The following AGO1 variants were observed in gnomAD, a reference collection of about 807,000 sequenced individuals.
The protein encoded by AGO1 is protein argonaute-1.
In AGO1, 11 loss-of-function variants were observed where a neutral mutation model predicts 109.2. The observed-to-expected ratio is 0.10, with a 90% CI of 0.06 to 0.17. The LOEUF (loss-of-function observed/expected upper bound fraction) is 0.17. Ranked by LOEUF, AGO1 falls within the 10% of genes least tolerant of loss-of-function variation. The pLI is 1.00. For missense variants in AGO1, 574 were observed against 1,140.3 expected (o/e 0.50, Z 7.15); for synonymous variants, 422 against 418.6 (o/e 1.01, Z -0.10).
At chr1:35,908,922 G>A (rs1047467471) in intron 12 of AGO1, among the ~76,000 whole-genome samples, 9 of 150,594 alleles carry the variant, frequency 6.0e-5, no homozygotes, top group African/African-American at 2.2e-4. Context: ...AGGTTCAAGT[G>A]ATTCTCGTGC....
chr1:35,917,445 G>A (rs1327883230), intron 15 of AGO1, 148 bp from the exon 16 acceptor site: 2 of 909,226 alleles, frequency 2.2e-6, no homozygotes, highest in African/African-American at 3.3e-5. Context: ...AGAAGGGCCT[G>A]TCATCTCTAA....
At chr1:35,909,397 A>G (rs1438709762) in intron 12 of AGO1, among the ~76,000 whole-genome samples, 1 of 152,256 alleles carries the variant, frequency 6.6e-6, no homozygotes, top group East Asian at 1.9e-4. Flanking sequence ...TGAATTAATT[A>G]TATAAAAAGC....
chr1:35,877,770 T>C (rs1645004131), intron 1 of AGO1, among the ~76,000 whole-genome samples: 1 of 151,976 alleles, frequency 6.6e-6, no homozygotes, highest in African/African-American at 2.4e-5. Context: ...CTCGGCTCAC[T>C]GCAACCTCTG....
At position 35,893,051 on chromosome 1, in the gene AGO1, G is replaced by C. The variant is rs376734554; in HGVS notation, c.331-46G>C. 1 of 1,563,586 alleles carries C rather than the reference G, an allele frequency of 6.4e-7. No individual in the cohort carries two copies. The highest frequency in any genetic ancestry group is 8.7e-7 in the Non-Finnish European group (1 of 1,143,746). On this transcript the variant is annotated intron_variant, in intron 3 of 18. Coordinates refer to ENST00000373204, the MANE Select transcript of AGO1 (RefSeq NM_012199.5). The surrounding 1 kb of genome is among the most constrained non-coding windows in gnomAD (Gnocchi z 5.6). Reference sequence around the variant, plus strand: ...ATCCATGGAGTTGGGGGTCATTCTCGCAGAGCAATGGCAATCCTTCATCCC... The same window carrying C: ...ATCCATGGAGTTGGGGGTCATTCTCCCAGAGCAATGGCAATCCTTCATCCC...
chr1:35,870,518 C>T (rs1001471916), intron 1 of AGO1, among the ~76,000 whole-genome samples: 2 of 152,190 alleles, frequency 1.3e-5, no homozygotes, highest in South Asian at 2.1e-4. Flanking sequence ...CTCTTGACCT[C>T]GTGATCTGCA....
chr1:35,871,541 CA>C (rs912462183), intron 1 of AGO1, among the ~76,000 whole-genome samples: 1 of 138,238 alleles, frequency 7.2e-6, no homozygotes, highest in Admixed American at 7.5e-5. Flanking sequence ...GACTCCGTCT[CA>C]AAAAAAAAGA....
intron 12 of AGO1, among the ~76,000 whole-genome samples, chr1:35,909,469 T>A (rs1645593029): frequency 6.6e-6 from 1 of 152,228 alleles, no homozygotes; most frequent in Non-Finnish European, 1.5e-5. Flanking sequence ...TTGTCTGTGG[T>A]TTTCAGTCTC....
rs1237268495 is a variant in AGO1 at position 35,926,516 on chromosome 1, A to C, written c.*6909A>C. 1.3e-5 allele frequency: 2 copies of C among 152,164 alleles called. No individual in the cohort carries two copies. The allele number at this position is 152,164 out of a possible 1,614,324, so 9.4% of individuals were successfully genotyped here. A position where few individuals can be genotyped will look rare whatever the true frequency, so the allele number is the denominator to read the frequency against. On this transcript the variant is annotated 3_prime_UTR_variant, in exon 19 of 19. Transcript: ENST00000373204. ...GCAATTAGGATTTGGTGGCTAAACG[A>C]AAGAGTTAGTGCAAGGAAAAGCCTA... is the stretch of plus-strand genomic sequence containing the variant.
upstream of AGO1, among the ~76,000 whole-genome samples, chr1:35,879,177 C>T (rs948803401): frequency 6.6e-5 from 10 of 152,136 alleles, no homozygotes; most frequent in African/African-American, 1.4e-4. Context: ...GGGCTGAGCA[C>T]GGTGGCTTAT....
chr1:35,925,736 C>T lies in AGO1; in HGVS notation c.*6129C>T, dbSNP rs1041242279. The T allele has an allele frequency of 2.0e-5, 3 of 152,004 alleles. No individual in the cohort carries two copies. The highest frequency in any genetic ancestry group is 6.6e-5 in the Admixed American group (1 of 15,258). 9.4% of individuals were successfully genotyped at this position (152,004 alleles called of 1,614,324 possible). ...ATTATCATTGTCTTTTCCCACTCACCCCAAGTTGGAGGTTCTATGGTTTTG... is the reference window on the plus strand; with the variant it reads ...ATTATCATTGTCTTTTCCCACTCACTCCAAGTTGGAGGTTCTATGGTTTTG... On this transcript the variant is annotated 3_prime_UTR_variant, in exon 19 of 19. Transcript: ENST00000373204.
chr1:35,894,088 A>G lies in AGO1; in HGVS notation c.701A>G (p.Glu234Gly). The change falls in exon 6 of 19, where the codon GAG becomes GGG. Residue 234 changes from glutamate (E) to glycine (G), a missense_variant. Glu to Gly is a moderately conservative substitution (Grantham distance 98). Transcript: ENST00000373204. ...CAGCCAGTGATTGAGTTCATGTGTGAGGTGCTGGACATCAGGAACATAGAT... is the reference window on the plus strand; with the variant it reads ...CAGCCAGTGATTGAGTTCATGTGTGGGGTGCTGGACATCAGGAACATAGAT... The part of the protein sequence containing the change: ...KAQPVIEFMC[E>G]VLDIRNIDEQ... 6.3e-7 allele frequency: 1 copy of G among 1,584,282 alleles called. No homozygotes were observed. Among genetic ancestry groups the G allele is most frequent in the Non-Finnish European group, 8.6e-7 (1 of 1,166,736 alleles).
At chr1:35,890,722 T>C (rs1197206795) in intron 2 of AGO1, among the ~76,000 whole-genome samples, 1 of 152,200 alleles carries the variant, frequency 6.6e-6, no homozygotes, top group Non-Finnish European at 1.5e-5. Context: ...TTGCAACTTG[T>C]TTTTAAAGGT....
At position 35,891,885 on chromosome 1, in the gene AGO1, G is replaced by GTT. The variant is rs369822869; in HGVS notation, c.210-663_210-662dup. 8.5e-4 allele frequency among the ~76,000 whole-genome samples: 123 copies of GTT among 144,392 alleles called. 1 individual carries two copies. The highest frequency in any genetic ancestry group is 3.1e-3 in the African/African-American group (121 of 39,368). 94.7% of individuals were successfully genotyped at this position (144,392 alleles called of 152,430 possible). On this transcript the variant is annotated intron_variant, in intron 2 of 18. Transcript: ENST00000373204. ...TGGCCATCCTTTTTTTTTGTTTTTT[G>GTT]TTTTTTTTTTGAGACAGGGTCTCGC...
Position 35,888,242 on chromosome 1 carries a change from G to T in AGO1, c.26-185G>T, listed in dbSNP as rs1486330885. ...TCCTAACTGGAGAGAGATTAAAAAA[G>T]AAAAAAGAGAAAAAACACAGATGAG... On this transcript the variant is annotated intron_variant, in intron 1 of 18. Coordinates refer to ENST00000373204, the MANE Select transcript of AGO1 (RefSeq NM_012199.5). The surrounding 1 kb of genome is among the most constrained non-coding windows in gnomAD (Gnocchi z 4.1). Among the ~76,000 whole-genome samples the T allele has an allele frequency of 6.7e-6, 1 of 148,942 alleles. No homozygotes were observed. The highest frequency in any genetic ancestry group is 2.6e-5 in the African/African-American group (1 of 38,446).
chr1:35,920,359 C>A lies in AGO1; in HGVS notation c.*752C>A, dbSNP rs369176195. On this transcript the variant is annotated 3_prime_UTR_variant, in exon 19 of 19. Transcript: ENST00000373204. ...GAAGTGACACGACCCTGTCTTCCTTCCGCCCGCTGGTGGGTAACCAGTGCC... is the reference window on the plus strand; with the variant it reads ...GAAGTGACACGACCCTGTCTTCCTTACGCCCGCTGGTGGGTAACCAGTGCC... The A allele has an allele frequency of 6.6e-6, 1 of 152,558 alleles. No individual in the cohort carries two copies. The highest frequency in any genetic ancestry group is 2.4e-5 in the African/African-American group (1 of 41,370). 9.5% of individuals were successfully genotyped at this position (152,558 alleles called of 1,614,324 possible). A position where few individuals can be genotyped will look rare whatever the true frequency, so the allele number is the denominator to read the frequency against.
chr1:35,894,512 G>A, intron 7 of AGO1, 110 bp downstream of exon 7: 1 of 1,077,516 alleles, frequency 9.3e-7, no homozygotes, highest in Non-Finnish European at 1.4e-6. Context: ...GAGCCTTGGG[G>A]ACTGGCCCTG....
Position 35,870,652 on chromosome 1 carries a change from C to T in AGO1, c.-201+749C>T, listed in dbSNP as rs150279070. ...CACCATTCATTTTATCTCCTCCCTA[C>T]TGAGAGAGAAAATGAATATTATTTT... On this transcript the variant is annotated intron_variant, in intron 1 of 18. Coordinates refer to the AGO1 transcript ENST00000373206. 2.3e-4 allele frequency among the ~76,000 whole-genome samples: 35 copies of T among 152,328 alleles called. No individual in the cohort carries two copies. In the East Asian group the frequency reaches 6.0e-3, roughly 26 times the overall value.
rs767872608 is a variant in AGO1 at position 35,873,434 on chromosome 1, CGA to C, written c.-201+3532_-201+3533del. The C allele has an allele frequency of 1.2e-3, 186 of 153,360 alleles. 1 individual carries two copies. Among genetic ancestry groups the C allele is most frequent in the Non-Finnish European group, 2.1e-3 (140 of 68,112 alleles). 9.5% of individuals were successfully genotyped at this position (153,360 alleles called of 1,614,324 possible). ...GGTCAAGAGTAGATCTCACTCATCTCGATGATGGTGGTGAGTTGAGATAACTT... is the reference window on the plus strand; with the variant it reads ...GGTCAAGAGTAGATCTCACTCATCTCTGATGGTGGTGAGTTGAGATAACTT... On this transcript the variant is annotated intron_variant, in intron 1 of 18. Coordinates refer to the AGO1 transcript ENST00000373206.
At position 35,901,500 on chromosome 1, in the gene AGO1, C is replaced by T; in HGVS notation, c.1047C>T (p.Arg349=). The T allele has an allele frequency of 6.2e-7, 1 of 1,614,080 alleles. No homozygotes were observed. Among genetic ancestry groups the T allele is most frequent in the Non-Finnish European group, 8.5e-7 (1 of 1,179,986 alleles). Residue 349 remains arginine, a synonymous_variant, in exon 9 of 19, where the codon CGC becomes CGT. Coordinates refer to ENST00000373204, the MANE Select transcript of AGO1 (RefSeq NM_012199.5). The surrounding 1 kb of genome is among the most constrained non-coding windows in gnomAD (Gnocchi z 4.8). ...TCTGTAACATTGTGGCTGGGCAGCG[C>T]TGTATTAAAAAGCTGACCGACAACC... ...LEVCNIVAGQ[R]CIKKLTDNQT...
Sources: gnomAD v4.1 joint callset for allele counts (sites outside exome capture counted in the v4.1 genomes callset) on GRCh38, gnomAD v4.1.1 for gene constraint, Gnocchi (gnomAD v3.1) non-coding constraint, MANE v1.5 for transcripts, NCBI Gene and HGNC (gene_info 2026-07-23, HGNC 2026-07-21) for gene names.